DYRK1A: variants seen among roughly 807,000 people sequenced by gnomAD.
DYRK1A encodes dual specificity tyrosine phosphorylation regulated kinase 1A, also known as dual specificity tyrosine-phosphorylation-regulated kinase 1A.
DYRK1A carries 9 observed loss-of-function variants against 79.7 expected under a neutral mutation model. The ratio of observed to expected loss-of-function variants is 0.11; its 90% CI spans 0.07 to 0.20. The LOEUF is 0.20. Ranked by LOEUF, DYRK1A falls within the 10% of genes least tolerant of loss-of-function variation. DYRK1A has a pLI of 1.00. For synonymous variants in DYRK1A, 349 were observed against 329.7 expected (o/e 1.06, Z -0.63); for missense variants, 622 against 956.0 (o/e 0.65, Z 4.61).
At chr21:37,508,837 T>C (rs1376973888) in intron 11 of DYRK1A, among the ~76,000 whole-genome samples, 1 of 152,244 alleles carries the variant, frequency 6.6e-6, no homozygotes, top group Admixed American at 6.5e-5. Flanking sequence ...TTTTGGTAAC[T>C]ACTATTTATG....
chr21:37,422,901 C>T (rs768848183), intron 2 of DYRK1A, among the ~76,000 whole-genome samples: 2 of 152,068 alleles, frequency 1.3e-5, no homozygotes, highest in African/African-American at 4.8e-5. Context: ...CCTGTACTTA[C>T]TTAATTTGAG....
rs564472243 is a variant in DYRK1A, at chr21:37,397,363, G to T, written c.-76-22936G>T. Among the ~76,000 whole-genome samples, 9 of 152,302 alleles carry T rather than the reference G, an allele frequency of 5.9e-5. No individual in the cohort carries two copies. In the East Asian group the frequency reaches 1.7e-3, roughly 29 times the overall value. ...AAAAAGTAAATTATTTGGGCAAGTT[G>T]TGCTAAGGGTAGTATATTGAAAGAC... On this transcript the variant is annotated intron_variant, in intron 1 of 11. Coordinates refer to ENST00000647188, the MANE Select transcript of DYRK1A (RefSeq NM_001347721.2).
intron 2 of DYRK1A, among the ~76,000 whole-genome samples, chr21:37,471,704 C>T (rs1221337160): frequency 1.3e-5 from 2 of 152,160 alleles, no homozygotes; most frequent in Non-Finnish European, 2.9e-5. Context: ...AGTCTGTGCC[C>T]TTCACTGTTG....
rs750405447 is a variant in DYRK1A, at chr21:37,512,109, T to G, written c.1843T>G (p.Leu615Val). The G allele has an allele frequency of 9.9e-6, 16 of 1,614,124 alleles. No homozygotes were observed. The highest frequency in any genetic ancestry group is 1.4e-5 in the Non-Finnish European group (16 of 1,180,018). Reference sequence around the variant, plus strand: ...TCACCACCACCATGGACAACAAGCCTTGGGTAACCGGACCAGGCCAAGGGT... The same window carrying G: ...TCACCACCACCATGGACAACAAGCCGTGGGTAACCGGACCAGGCCAAGGGT... Reference protein sequence around the residue: ...HHHHHHGQQALGNRTRPRVYN... With the variant: ...HHHHHHGQQAVGNRTRPRVYN... Residue 615 changes from leucine (L) to valine (V), a missense_variant, in exon 12 of 12, where the codon TTG becomes GTG. Coordinates refer to ENST00000647188, the MANE Select transcript of DYRK1A (RefSeq NM_001347721.2).
intron 11 of DYRK1A, among the ~76,000 whole-genome samples, chr21:37,508,197 G>A (rs145282961): frequency 2.0e-5 from 3 of 152,272 alleles, no homozygotes; most frequent in Non-Finnish European, 4.4e-5. Flanking sequence ...TTAGAATGGA[G>A]TGTCTCATTC....
At chr21:37,491,740 TC>T (rs2148616601) in intron 7 of DYRK1A, among the ~76,000 whole-genome samples, 1 of 152,298 alleles carries the variant, frequency 6.6e-6, no homozygotes, top group East Asian at 1.9e-4. Flanking sequence ...TACATGCCCA[TC>T]TTGACAGTAA....
At chr21:37,400,553 TCCAAC>T (rs2050034524) in intron 1 of DYRK1A, among the ~76,000 whole-genome samples, 1 of 152,226 alleles carries the variant, frequency 6.6e-6, no homozygotes, top group Non-Finnish European at 1.5e-5. Context: ...AAATTTGAGA[TCCAAC>T]CTGGGAGACA....
chr21:37,493,628 G>A (rs1311610647), intron 8 of DYRK1A, among the ~76,000 whole-genome samples: 1 of 152,176 alleles, frequency 6.6e-6, no homozygotes, highest in African/African-American at 2.4e-5. Flanking sequence ...GTGCAGTTCT[G>A]AAGTCTACAG....
chr21:37,506,377 C>T (rs763478289), intron 11 of DYRK1A, 154 bp downstream of exon 11: 1 of 1,536,892 alleles, frequency 6.5e-7, no homozygotes, highest in Non-Finnish European at 8.8e-7. Flanking sequence ...CATAGAGAAG[C>T]ACATTCTTGC....
intron 1 of DYRK1A, among the ~76,000 whole-genome samples, chr21:37,379,327 A>G (rs1292615723): frequency 6.6e-6 from 1 of 152,212 alleles, no homozygotes; most frequent in Non-Finnish European, 1.5e-5. Context: ...AAAACCTTAA[A>G]AATATTCTTA....
rs1043026256 is a variant in DYRK1A, at chr21:37,521,008, C to T, written c.*8477C>T. ...TGCTGGAGAGACGGGCTACCTCTTT[C>T]TGTAGGCGGATGTTTCTGAAGGCAT... On this transcript the variant is annotated 3_prime_UTR_variant, in exon 12 of 12. Coordinates refer to ENST00000647188, the MANE Select transcript of DYRK1A (RefSeq NM_001347721.2). 1.3e-5 allele frequency: 2 copies of T among 152,296 alleles called. No individual in the cohort carries two copies. Among genetic ancestry groups the T allele is most frequent in the Admixed American group, 6.5e-5 (1 of 15,284 alleles). 9.4% of individuals were successfully genotyped at this position (152,296 alleles called of 1,614,324 possible).
At chr21:37,392,480 T>C (rs2049889014) in intron 1 of DYRK1A, among the ~76,000 whole-genome samples, 1 of 152,266 alleles carries the variant, frequency 6.6e-6, no homozygotes. Context: ...AAATAGAATT[T>C]ATTTTTCACA....
intron 1 of DYRK1A, among the ~76,000 whole-genome samples, chr21:37,416,145 CACTACCT>C (rs1423513786): frequency 6.6e-6 from 1 of 152,106 alleles, no homozygotes. Context: ...ATGGAAGTAA[CACTACCT>C]ACTCGTAGGG....
In DYRK1A at chr21:37,457,037, C is replaced by CTTACTTACTTATTTAT. The variant is rs1035437095; in HGVS notation, c.11-15644_11-15643insCTTACTTATTTATTTA. Among the ~76,000 whole-genome samples, 218 of 59,240 alleles carry CTTACTTACTTATTTAT rather than the reference C, an allele frequency of 3.7e-3. 1 individual carries two copies. The highest frequency in any genetic ancestry group is 9.1e-3 in the Middle Eastern group (1 of 110). The allele number at this position is 59,240 out of a possible 152,430, so 38.9% of individuals were successfully genotyped here. ...ATTTACTTACTTACTTACTTACTTA[C>CTTACTTACTTATTTAT]TTATTTATTTATTTATTTATTTATT... On this transcript the variant is annotated intron_variant, in intron 2 of 11. Transcript: ENST00000647188.
chr21:37,401,458 A>G (rs572616594), intron 1 of DYRK1A, among the ~76,000 whole-genome samples: 2 of 148,722 alleles, frequency 1.3e-5, no homozygotes, highest in African/African-American at 2.5e-5. Context: ...GAAGTTTTTC[A>G]GATAGTCTTG....
At chr21:37,485,376 A>T (rs1370019260) in intron 5 of DYRK1A, among the ~76,000 whole-genome samples, 1 of 152,186 alleles carries the variant, frequency 6.6e-6, no homozygotes, top group Admixed American at 6.5e-5. Flanking sequence ...GACCACAGAG[A>T]GTGTCTTTTA....
At chr21:37,440,207 T>C (rs1430901506) in intron 2 of DYRK1A, among the ~76,000 whole-genome samples, 2 of 139,802 alleles carry the variant, frequency 1.4e-5, no homozygotes, top group Admixed American at 1.5e-4. Context: ...GTGATCTCGG[T>C]TCACTGCAAC....
At chr21:37,446,045 G>A (rs978901780) in intron 2 of DYRK1A, among the ~76,000 whole-genome samples, 3 of 152,148 alleles carry the variant, frequency 2.0e-5, no homozygotes, top group Admixed American at 6.5e-5. Context: ...CTTCTAAAAC[G>A]GTAAATCAGT....
intron 1 of DYRK1A, among the ~76,000 whole-genome samples, chr21:37,389,696 C>G (rs1179638706): frequency 2.0e-5 from 3 of 151,010 alleles, no homozygotes; most frequent in African/African-American, 7.3e-5. Flanking sequence ...GATGAGAGCT[C>G]TTTGCGAGGG....
Sources: gnomAD v4.1 joint callset for allele counts (sites outside exome capture counted in the v4.1 genomes callset) on GRCh38, gnomAD v4.1.1 for gene constraint, MANE v1.5 for transcripts, NCBI Gene and HGNC (gene_info 2026-07-23, HGNC 2026-07-21) for gene names.